Variants in CLEC16A observed in about 807,000 individuals in gnomAD.
CLEC16A encodes C-type lectin domain containing 16A.
Under a neutral mutation model 109.5 loss-of-function variants are expected in CLEC16A, and 51 were observed. That is an observed-to-expected ratio of 0.47 (90% confidence interval 0.37 to 0.59). The LOEUF is 0.59. CLEC16A is among the 20% of genes least tolerant of loss of function. CLEC16A has a pLI of 0.00. For synonymous variants in CLEC16A, 673 were observed against 564.2 expected (o/e 1.19, Z -2.73); for missense variants, 1,339 against 1,394.0 (o/e 0.96, Z 0.63).
At chr16:11,109,871 G>A (rs184435445) in intron 19 of CLEC16A, among the ~76,000 whole-genome samples, 61 of 152,204 alleles carry the variant, frequency 4.0e-4, no homozygotes, top group Non-Finnish European at 7.2e-4. Context: ...AACTCCAGCC[G>A]TAGCCTAAAA....
chr16:10,950,064 C>T (rs1239081602), intron 1 of CLEC16A, among the ~76,000 whole-genome samples: 7 of 152,224 alleles, frequency 4.6e-5, no homozygotes, highest in Non-Finnish European at 7.3e-5. Context: ...ACAGTTAACA[C>T]ATTATTATAT....
Position 10,979,389 on chromosome 16 carries a change from T to A in CLEC16A, c.957+7T>A, listed in dbSNP as rs2043195965. ...TCTTTATCTTCTGTCACAGGTATGCTTGATCATTCACCAATGTCCCCACTA... is the reference window on the plus strand; with the variant it reads ...TCTTTATCTTCTGTCACAGGTATGCATGATCATTCACCAATGTCCCCACTA... On this transcript the variant is annotated splice_region_variant and intron_variant, in intron 9 of 23. Coordinates refer to ENST00000409790, the MANE Select transcript of CLEC16A (RefSeq NM_015226.3). 1 of 1,612,514 alleles carries A rather than the reference T, an allele frequency of 6.2e-7. No individual in the cohort carries two copies. Among genetic ancestry groups the A allele is most frequent in the South Asian group, 1.1e-5 (1 of 90,692 alleles).
At chr16:11,012,857 T>G (rs2045519748) in intron 11 of CLEC16A, among the ~76,000 whole-genome samples, 2 of 152,226 alleles carry the variant, frequency 1.3e-5, no homozygotes, top group Non-Finnish European at 2.9e-5. Context: ...TATCGTCTAC[T>G]TTATGAATTG....
intron 7 of CLEC16A, among the ~76,000 whole-genome samples, chr16:10,976,964 G>A (rs893762508): frequency 5.3e-5 from 8 of 152,254 alleles, no homozygotes; most frequent in African/African-American, 1.9e-4. Context: ...TGCTTATGCA[G>A]TGGCTTGCTG....
At chr16:10,984,997 C>T (rs1188868021) in intron 10 of CLEC16A, among the ~76,000 whole-genome samples, 1 of 151,960 alleles carries the variant, frequency 6.6e-6, no homozygotes, top group Non-Finnish European at 1.5e-5. Context: ...GTCAGGAGAT[C>T]GAGACCATCC....
chr16:11,106,107 T>G (rs1453400724), intron 19 of CLEC16A, among the ~76,000 whole-genome samples: 18 of 152,216 alleles, frequency 1.2e-4, no homozygotes, highest in Admixed American at 1.2e-3. Context: ...TTCTGCATAC[T>G]GACCAGTCAC....
At chr16:10,989,491 T>G (rs896464636) in intron 10 of CLEC16A, among the ~76,000 whole-genome samples, 116 of 152,144 alleles carry the variant, frequency 7.6e-4, no homozygotes, top group African/African-American at 2.8e-3. Context: ...CACCTTGGCC[T>G]CGCAAAGTGC....
intron 1 of CLEC16A, among the ~76,000 whole-genome samples, chr16:10,947,153 C>T (rs1233559660): frequency 6.6e-6 from 1 of 152,238 alleles, no homozygotes; most frequent in African/African-American, 2.4e-5. Flanking sequence ...TCAGGCAGAT[C>T]AGCTTAATCC....
At chr16:11,163,316 A>T (rs1442878356) in intron 22 of CLEC16A, among the ~76,000 whole-genome samples, 2 of 152,232 alleles carry the variant, frequency 1.3e-5, no homozygotes, top group African/African-American at 4.8e-5. Flanking sequence ...TAAAGGAAAA[A>T]AAAAGCCAAA....
At chr16:11,025,797 G>A (rs959868963) in intron 13 of CLEC16A, among the ~76,000 whole-genome samples, 1 of 152,150 alleles carries the variant, frequency 6.6e-6, no homozygotes, top group Non-Finnish European at 1.5e-5. Context: ...AAGTTGATTA[G>A]TGGCAGAAGG....
Position 10,977,319 on chromosome 16 carries a change from C to T in CLEC16A, c.823C>T (p.Leu275Phe), listed in dbSNP as rs755516847. Residue 275 changes from leucine (L) to phenylalanine (F), a missense_variant, in exon 8 of 24, where the codon CTC (leucine) becomes TTC (phenylalanine). Leu to Phe is a conservative substitution (Grantham distance 22, BLOSUM62 0). This residue lies in a region of CLEC16A where 161 missense variants were observed against 267.1 expected (regional missense o/e 0.60). Coordinates refer to ENST00000409790, the MANE Select transcript of CLEC16A (RefSeq NM_015226.3). ...NDILIINCEF[L>F]NDVLTDHLLN... ...CATCCTGATCATCAACTGTGAGTTCCTCAACGATGTGCTCACTGACCACCT... is the reference window on the plus strand; with the variant it reads ...CATCCTGATCATCAACTGTGAGTTCTTCAACGATGTGCTCACTGACCACCT... 2 of 1,613,850 alleles carry T rather than the reference C, an allele frequency of 1.2e-6. No individual in the cohort carries two copies. The highest frequency in any genetic ancestry group is 1.7e-5 in the Admixed American group (1 of 59,998).
intron 19 of CLEC16A, among the ~76,000 whole-genome samples, chr16:11,116,088 A>T (rs2051967420): frequency 6.6e-6 from 1 of 152,022 alleles, no homozygotes; most frequent in Non-Finnish European, 1.5e-5. Flanking sequence ...CTTGCTGTAG[A>T]TAATAAGAAA....
intron 22 of CLEC16A, among the ~76,000 whole-genome samples, chr16:11,141,164 AG>A (rs1371963342): frequency 6.6e-6 from 1 of 152,194 alleles, no homozygotes; most frequent in Non-Finnish European, 1.5e-5. Flanking sequence ...GCTTTTCCGT[AG>A]GGTCCTCCCA....
At chr16:10,989,944 G>A (rs1402411380) in intron 10 of CLEC16A, among the ~76,000 whole-genome samples, 1 of 152,194 alleles carries the variant, frequency 6.6e-6, no homozygotes, top group African/African-American at 2.4e-5. Context: ...GCATCAGGCA[G>A]GATAGCACCC....
At chr16:11,006,757 C>T (rs2045044263) in intron 11 of CLEC16A, among the ~76,000 whole-genome samples, 1 of 152,168 alleles carries the variant, frequency 6.6e-6, no homozygotes, top group Admixed American at 6.5e-5. Flanking sequence ...AGAATTCACA[C>T]CTCCTCCAGA....
intron 18 of CLEC16A, among the ~76,000 whole-genome samples, chr16:11,052,964 G>A (rs1253847891): frequency 2.6e-5 from 4 of 152,102 alleles, no homozygotes; most frequent in Non-Finnish European, 1.5e-5. Context: ...TGCGATCATA[G>A]CTCACTGCAG....
chr16:11,112,528 A>T (rs1436880809), intron 19 of CLEC16A, among the ~76,000 whole-genome samples: 1 of 150,810 alleles, frequency 6.6e-6, no homozygotes, highest in African/African-American at 2.4e-5. Flanking sequence ...TTACCCAGGA[A>T]TGATGGCACA....
intron 14 of CLEC16A, 23 bp from the exon 15 acceptor site, chr16:11,042,231 G>A: frequency 3.9e-6 from 6 of 1,553,080 alleles, no homozygotes; most frequent in Non-Finnish European, 5.2e-6. Flanking sequence ...GGTGTGCAAG[G>A]CTTACCCTGG....
At chr16:11,002,933 C>T in intron 10 of CLEC16A, 141 bp from the exon 11 acceptor site, 2 of 651,852 alleles carry the variant, frequency 3.1e-6, no homozygotes, top group East Asian at 5.5e-5. Flanking sequence ...CCGCAGTAAG[C>T]ATGCGAGTGC....
Sources: allele counts gnomAD v4.1 joint callset (sites outside exome capture counted in the v4.1 genomes callset), GRCh38; gene constraint gnomAD v4.1.1; regional missense constraint gnomAD v4.1.1; transcripts MANE v1.5; gene names NCBI Gene and HGNC (gene_info 2026-07-23, HGNC 2026-07-21).